SMG5: variants seen among roughly 807,000 people sequenced by gnomAD.
The protein encoded by SMG5 is SMG5 nonsense mediated mRNA decay factor, also known as nonsense-mediated mRNA decay factor SMG5.
Under a neutral mutation model 122.9 loss-of-function variants are expected in SMG5, and 53 were observed. The observed-to-expected ratio is 0.43, with a 90% confidence interval of 0.35 to 0.54. The LOEUF is 0.54. Among genes scored for constraint, SMG5 ranks in the 20% least tolerant of loss-of-function variants. The pLI, the probability that SMG5 is intolerant of heterozygous loss-of-function variation, is 0.01. For synonymous variants in SMG5, 477 were observed against 490.2 expected, an observed-to-expected ratio of 0.97 and a Z score of 0.35; for missense variants, 1,153 against 1,285.6, an observed-to-expected ratio of 0.90 and a Z score of 1.58.
At chr1:156,268,236 G>A in intron 8 of SMG5, 53 bp from the exon 9 acceptor site, 1 of 1,614,022 alleles carries the variant, frequency 6.2e-7, no homozygotes, top group Admixed American at 1.7e-5. Context: ...AGTCCCTATG[G>A]TCCTACTGCA....
chr1:156,252,660 C>A, intron 18 of SMG5, 156 bp from the exon 19 acceptor site: 1 of 790,276 alleles, frequency 1.3e-6, no homozygotes, highest in Non-Finnish European at 2.0e-6. Flanking sequence ...GAAAACATGA[C>A]CTTCTGCCAG....
chr1:156,286,050 G>C, upstream of SMG5: 1 of 1,543,734 alleles, frequency 6.5e-7, no homozygotes, highest in South Asian at 1.2e-5. Flanking sequence ...TGGCTGGTGT[G>C]GGGAGCAGGA....
At chr1:156,290,868 T>C in the SMG5 span, 1 of 97,444 alleles carries the variant, frequency 1.0e-5, no homozygotes, top group Non-Finnish European at 1.9e-5. Flanking sequence ...AATCACTCAG[T>C]GCACAAGAAA....
At chr1:156,282,148 G>A (rs534411519) in intron 1 of SMG5, among the ~76,000 whole-genome samples, 6 of 152,114 alleles carry the variant, frequency 3.9e-5, no homozygotes. Context: ...GGAAACTGAG[G>A]CCCAAGGTCA....
intron 1 of SMG5, among the ~76,000 whole-genome samples, chr1:156,281,682 G>A (rs930680842): frequency 6.6e-6 from 1 of 152,202 alleles, no homozygotes; most frequent in Non-Finnish European, 1.5e-5. Context: ...TATAAAGCCT[G>A]AGCTAAATGA....
intron 7 of SMG5, among the ~76,000 whole-genome samples, chr1:156,269,261 C>G (rs1035904022): frequency 6.6e-6 from 1 of 152,092 alleles, no homozygotes; most frequent in Non-Finnish European, 1.5e-5. Flanking sequence ...CGAGCCACTG[C>G]GCCCAGCCCC....
chr1:156,259,306 G>A (rs1033706616), intron 15 of SMG5, 143 bp from the exon 16 acceptor site: 30 of 847,632 alleles, frequency 3.5e-5, no homozygotes, highest in Non-Finnish European at 4.9e-5. Context: ...GAAGATTTGT[G>A]GTCTATGGGG....
Position 156,265,964 on chromosome 1 carries a change from G to C in SMG5, c.1672C>G (p.Pro558Ala). The C allele has an allele frequency of 6.2e-7, 1 of 1,614,196 alleles. No individual in the cohort carries two copies. The highest frequency in any genetic ancestry group is 8.5e-7 in the Non-Finnish European group (1 of 1,180,036). Reference sequence around the variant, plus strand: ...TTGCTGGCAATGCTAGCCTCACTGGGGCCCAGTGGGCCATTGAGGGAATCG... The same window carrying C: ...TTGCTGGCAATGCTAGCCTCACTGGCGCCCAGTGGGCCATTGAGGGAATCG... ...APDSLNGPLG[P>A]SEASIASNLQ... Residue 558 changes from proline (P) to alanine (A), a missense_variant, in exon 12 of 22, where the codon CCC becomes GCC. Physicochemically the swap from Pro to Ala is conservative, Grantham distance 27 (BLOSUM62 -1). Around this residue, in one of 5 missense-constraint regions of SMG5, gnomAD observed 631 missense variants for 650.6 expected, o/e 0.97. Transcript: ENST00000361813.
At position 156,251,451 on chromosome 1, in the gene SMG5, C is replaced by T. The variant is rs543947240; in HGVS notation, c.2780G>A (p.Gly927Glu). 6.2e-7 allele frequency: 1 copy of T among 1,614,156 alleles called. No homozygotes were observed. The highest frequency in any genetic ancestry group is 2.2e-5 in the East Asian group (1 of 44,882). ...NRYIRCQKEV[G>E]KSFERHKLKR... ...CAGCTTATGCCGCTCAAAGCTCTTTCCCACCTCTTTCTGGCAGCGAATGTA... is the reference window on the plus strand; with the variant it reads ...CAGCTTATGCCGCTCAAAGCTCTTTTCCACCTCTTTCTGGCAGCGAATGTA... Residue 927 changes from glycine (G) to glutamate (E), a missense_variant, in exon 20 of 22, where the codon GGA (glycine) becomes GAA (glutamate). Gly to Glu is a moderately conservative substitution (Grantham distance 98, BLOSUM62 -2). Around this residue, in one of 5 missense-constraint regions of SMG5, gnomAD observed 140 missense variants for 227.8 expected, o/e 0.61. Coordinates refer to ENST00000361813, the MANE Select transcript of SMG5 (RefSeq NM_015327.3).
At chr1:156,264,267 C>CAAAAAAAAAAAAAAAAAA (rs1205363773) in intron 12 of SMG5, among the ~76,000 whole-genome samples, 1 of 53,978 alleles carries the variant, frequency 1.9e-5, no homozygotes, top group African/African-American at 8.1e-5. Flanking sequence ...GACTCCGTCT[C>CAAAAAAAAAAAAAAAAAA]AAAAAAAAAA....
Position 156,266,045 on chromosome 1 carries a change from C to G in SMG5, c.1591G>C (p.Glu531Gln). The change falls in exon 12 of 22, where the codon GAG (glutamate) becomes CAG (glutamine). Residue 531 changes from glutamate to glutamine, a missense_variant. Glu to Gln is a conservative substitution (Grantham distance 29). Transcript: ENST00000361813. ...SRSDLEDMEE[E>Q]EGTRSPTLEP... ...AGGGTTGGTGACCGTGTCCCCTCCT[C>G]TTCCTCCATATCTTCCAAGTCTGAT... The G allele has an allele frequency of 6.2e-7, 1 of 1,614,242 alleles. No homozygotes were observed. Among genetic ancestry groups the G allele is most frequent in the Non-Finnish European group, 8.5e-7 (1 of 1,180,048 alleles).
At chr1:156,257,108 G>A (rs939111631) in intron 16 of SMG5, among the ~76,000 whole-genome samples, 1 of 152,024 alleles carries the variant, frequency 6.6e-6, no homozygotes, top group Admixed American at 6.6e-5. Flanking sequence ...TGTATTTTTA[G>A]TAGAGACGAG....
chr1:156,283,457 C>CA (rs1158863930), upstream of SMG5, among the ~76,000 whole-genome samples: 3 of 152,250 alleles, frequency 2.0e-5, no homozygotes, highest in South Asian at 4.1e-4. Context: ...CCTGCCCTCC[C>CA]AAAGCTCAAA....
chr1:156,259,701 G>A (rs1032020851), intron 15 of SMG5, among the ~76,000 whole-genome samples: 13 of 152,088 alleles, frequency 8.5e-5, no homozygotes, highest in Non-Finnish European at 1.9e-4. Flanking sequence ...GCTAATTTTT[G>A]TATTTTTTGA....
At chr1:156,262,407 C>T (rs12066033) in intron 13 of SMG5, among the ~76,000 whole-genome samples, 34,518 of 145,192 alleles carry the variant, frequency 0.24, 4,239 homozygotes, top group Admixed American at 0.34. Context: ...ACCTAGGAGG[C>T]GGAACTTGCA....
chr1:156,259,939 A>G (rs1661744389), intron 15 of SMG5, among the ~76,000 whole-genome samples: 1 of 152,176 alleles, frequency 6.6e-6, no homozygotes, highest in Admixed American at 6.6e-5. Flanking sequence ...TGGAGGGAGC[A>G]GCCAGGTGGT....
At chr1:156,276,388 A>G (rs1341096766) in intron 4 of SMG5, among the ~76,000 whole-genome samples, 3 of 152,128 alleles carry the variant, frequency 2.0e-5, no homozygotes, top group African/African-American at 7.2e-5. Flanking sequence ...CGGCCTCTCA[A>G]AGTGCTGGGA....
intron 14 of SMG5, 123 bp downstream of exon 14, chr1:156,261,210 G>A (rs962560965): frequency 2.3e-6 from 2 of 884,098 alleles, no homozygotes; most frequent in South Asian, 1.4e-5. Context: ...GTGTGCTAGG[G>A]AGGCTGGCAG....
intron 2 of SMG5, among the ~76,000 whole-genome samples, chr1:156,278,610 T>G (rs1251065512): frequency 6.6e-6 from 1 of 152,136 alleles, no homozygotes; most frequent in Non-Finnish European, 1.5e-5. Context: ...CAAGTGTTCC[T>G]CCTGCCTTGG....
Sources: gnomAD v4.1 joint callset for allele counts (sites outside exome capture counted in the v4.1 genomes callset) on GRCh38, gnomAD v4.1.1 for gene constraint, gnomAD v4.1.1 regional missense constraint, MANE v1.5 for transcripts, NCBI Gene and HGNC (gene_info 2026-07-23, HGNC 2026-07-21) for gene names.